The following HECW2 variants were observed in gnomAD, a reference collection of about 807,000 sequenced individuals.
The protein encoded by HECW2 is E3 ubiquitin-protein ligase HECW2.
Under a neutral mutation model 175.2 loss-of-function variants are expected in HECW2, and 61 were observed. The ratio of observed to expected loss-of-function variants is 0.35; its 90% CI spans 0.28 to 0.43. The LOEUF is 0.43. Ranked by LOEUF, HECW2 falls within the 20% of genes least tolerant of loss-of-function variation. HECW2 has a pLI of 1.00. For missense variants in HECW2, 1,524 were observed against 2,000.5 expected (o/e 0.76, Z 4.54); for synonymous variants, 671 against 731.0 (o/e 0.92, Z 1.32).
chr2:196,318,935 T>C lies in HECW2; in HGVS notation c.1955A>G (p.Gln652Arg), dbSNP rs1408368259. The C allele has an allele frequency of 1.9e-6, 3 of 1,604,600 alleles. No individual in the cohort carries two copies. The highest frequency in any genetic ancestry group is 2.6e-6 in the Non-Finnish European group (3 of 1,175,266). Residue 652 changes from glutamine to arginine, a missense_variant, in exon 9 of 29, where the codon CAG becomes CGG. By Grantham distance (43) the Gln-to-Arg change is conservative (BLOSUM62 1). Transcript: ENST00000644978. ...DSSCNESVTT[Q>R]LSSVDTRCSS... ...GCACCGTGTGTCCACAGAGGACAGCTGCGTGGTCACACTCTCATTGCAGGA... is the reference window on the plus strand; with the variant it reads ...GCACCGTGTGTCCACAGAGGACAGCCGCGTGGTCACACTCTCATTGCAGGA...
chr2:196,459,329 C>T (rs1696644103), intron 1 of HECW2, among the ~76,000 whole-genome samples: 2 of 152,050 alleles, frequency 1.3e-5, no homozygotes, highest in South Asian at 4.2e-4. Flanking sequence ...TGAGCCTTAG[C>T]ATGAGGAGAA....
At chr2:196,469,200 G>A (rs1490461802) in intron 1 of HECW2, among the ~76,000 whole-genome samples, 1 of 151,614 alleles carries the variant, frequency 6.6e-6, no homozygotes, top group African/African-American at 2.4e-5. Flanking sequence ...AATAATATAA[G>A]AGGAGCTGCC....
chr2:196,437,958 T>G (rs1445781023), intron 1 of HECW2, among the ~76,000 whole-genome samples: 1 of 152,144 alleles, frequency 6.6e-6, no homozygotes, highest in African/African-American at 2.4e-5. Flanking sequence ...AAAGGCTGGA[T>G]GGCGAAGAGG....
At chr2:196,332,553 T>C (rs188048685) in intron 4 of HECW2, among the ~76,000 whole-genome samples, 87 of 152,318 alleles carry the variant, frequency 5.7e-4, no homozygotes, top group African/African-American at 1.9e-3. Context: ...CTCCAAACTA[T>C]CCACAGGCTT....
chr2:196,572,748 T>C (rs995463139), intron 1 of HECW2, among the ~76,000 whole-genome samples: 4 of 152,136 alleles, frequency 2.6e-5, no homozygotes, highest in Admixed American at 6.5e-5. Context: ...AGTATCCTTA[T>C]AAGAAGTGGC....
intron 2 of HECW2, among the ~76,000 whole-genome samples, chr2:196,388,125 T>C (rs1694402793): frequency 6.6e-6 from 1 of 151,882 alleles, no homozygotes; most frequent in South Asian, 2.1e-4. Flanking sequence ...ACCTCATCTC[T>C]ACTAAAAAAA....
chr2:196,241,467 C>T (rs941047761), intron 20 of HECW2, among the ~76,000 whole-genome samples: 2 of 152,178 alleles, frequency 1.3e-5, no homozygotes, highest in African/African-American at 4.8e-5. Flanking sequence ...GAGACCGTCC[C>T]TCCTCTGTCC....
At chr2:196,537,058 C>T (rs1689045012) in intron 1 of HECW2, among the ~76,000 whole-genome samples, 2 of 152,186 alleles carry the variant, frequency 1.3e-5, no homozygotes, top group Non-Finnish European at 2.9e-5. Context: ...AAAATCATTT[C>T]CATCCTAGGA....
intron 2 of HECW2, among the ~76,000 whole-genome samples, chr2:196,371,740 T>C (rs959520660): frequency 2.0e-5 from 3 of 152,224 alleles, no homozygotes; most frequent in African/African-American, 7.2e-5. Flanking sequence ...TGCGAAGCAC[T>C]GGTGAACTCT....
At chr2:196,409,912 C>A (rs943573780) in intron 2 of HECW2, among the ~76,000 whole-genome samples, 5 of 152,180 alleles carry the variant, frequency 3.3e-5, no homozygotes, top group Admixed American at 1.3e-4. Context: ...GCGTATTACC[C>A]ACAAAACCTG....
At chr2:196,398,244 A>C (rs1219849493) in intron 2 of HECW2, among the ~76,000 whole-genome samples, 1 of 152,214 alleles carries the variant, frequency 6.6e-6, no homozygotes, top group Non-Finnish European at 1.5e-5. Flanking sequence ...TTGATCAGAA[A>C]GGTTAATGGT....
chr2:196,548,595 T>C (rs1486341222), intron 1 of HECW2, among the ~76,000 whole-genome samples: 2 of 152,290 alleles, frequency 1.3e-5, no homozygotes, highest in African/African-American at 2.4e-5. Context: ...AAACAGGTCA[T>C]TGTAATAAGT....
intron 21 of HECW2, among the ~76,000 whole-genome samples, chr2:196,235,870 G>C (rs1246926139): frequency 6.6e-6 from 1 of 151,912 alleles, no homozygotes; most frequent in Non-Finnish European, 1.5e-5. Flanking sequence ...GTGCTAGCCA[G>C]GATGGTCTCG....
chr2:196,585,972 A>C (rs1690961155), intron 1 of HECW2, among the ~76,000 whole-genome samples: 1 of 152,068 alleles, frequency 6.6e-6, no homozygotes, highest in African/African-American at 2.4e-5. Flanking sequence ...CAATATCTTC[A>C]TGCAAAATCC....
rs115592527 is a variant in HECW2 at position 196,213,181 on chromosome 2, T to C, written c.4607+2684A>G. On this transcript the variant is annotated intron_variant, in intron 28 of 28. Transcript: ENST00000644978. ...TGCTTCTCATATAACTATACTGTCATGCAATTAAGTTCTTTTAATTTTTTC... is the reference window on the plus strand; with the variant it reads ...TGCTTCTCATATAACTATACTGTCACGCAATTAAGTTCTTTTAATTTTTTC... Among the ~76,000 whole-genome samples the C allele has an allele frequency of 5.0e-3, 758 of 152,382 alleles. 2 individuals carry two copies. Among genetic ancestry groups the C allele is most frequent in the African/African-American group, 0.017 (691 of 41,586 alleles).
At chr2:196,495,544 T>TA (rs1346611090) in intron 1 of HECW2, among the ~76,000 whole-genome samples, 1 of 152,160 alleles carries the variant, frequency 6.6e-6, no homozygotes, top group Non-Finnish European at 1.5e-5. Flanking sequence ...AGAACTTCTA[T>TA]ATAAACAGCC....
intron 2 of HECW2, among the ~76,000 whole-genome samples, chr2:196,358,587 A>C (rs1310671354): frequency 3.6e-4 from 1 of 2,748 alleles, no homozygotes; most frequent in Non-Finnish European, 1.3e-3. Context: ...CTCTGTCTCA[A>C]AAAAAAAAAA....
chr2:196,243,121 C>G (rs1399687642), intron 19 of HECW2, among the ~76,000 whole-genome samples: 1 of 151,796 alleles, frequency 6.6e-6, no homozygotes, highest in East Asian at 1.9e-4. Context: ...CTCACTTGCA[C>G]AAAGTGCGCA....
At chr2:196,522,362 T>C (rs1344941516) in intron 1 of HECW2, among the ~76,000 whole-genome samples, 2 of 152,224 alleles carry the variant, frequency 1.3e-5, no homozygotes, top group African/African-American at 4.8e-5. Flanking sequence ...GAGTTCATTG[T>C]AGATTCTGGA....
Sources: allele counts gnomAD v4.1 joint callset (sites outside exome capture counted in the v4.1 genomes callset), GRCh38; gene constraint gnomAD v4.1.1; transcripts MANE v1.5; gene names NCBI Gene and HGNC (gene_info 2026-07-23, HGNC 2026-07-21).